The following DAAM2 variants were observed in gnomAD, a reference collection of about 807,000 sequenced individuals.
DAAM2 encodes the protein disheveled-associated activator of morphogenesis 2.
DAAM2 carries 39 observed loss-of-function variants against 120.7 expected under a neutral mutation model. That is an observed-to-expected ratio of 0.32 (90% CI 0.25 to 0.42). The LOEUF (loss-of-function observed/expected upper bound fraction) is 0.42, where lower values mean the gene tolerates loss of function less well. DAAM2 is among the 10% of genes least tolerant of loss of function. DAAM2 has a pLI of 1.00. For missense variants in DAAM2, 1,283 were observed against 1,401.7 expected, an observed-to-expected ratio of 0.92 and a Z score of 1.35; for synonymous variants, 488 against 524.9, an observed-to-expected ratio of 0.93 and a Z score of 0.96.
At position 39,891,365 on chromosome 6, in the gene DAAM2, A is replaced by G; in HGVS notation, c.2170A>G (p.Ser724Gly). The stretch of plus-strand genomic sequence containing the variant: ...GCTCCTCAAGTTCATCCCAGAGAAG[A>G]GTGACATTGACCTCCTGGAGGAGCA... ...EQLLKFIPEK[S>G]DIDLLEEHKH... Residue 724 changes from serine to glycine, a missense_variant, in exon 18 of 25, where the codon AGT becomes GGT. This residue lies in a region of DAAM2 where 748 missense variants were observed against 768.6 expected (regional missense o/e 0.97). Transcript: ENST00000274867. 6.2e-7 allele frequency: 1 copy of G among 1,610,416 alleles called. No homozygotes were observed. Among genetic ancestry groups the G allele is most frequent in the African/African-American group, 1.3e-5 (1 of 75,000 alleles).
chr6:39,845,079 A>T (rs1763510794), intron 1 of DAAM2, among the ~76,000 whole-genome samples: 1 of 146,574 alleles, frequency 6.8e-6, no homozygotes, highest in Admixed American at 6.8e-5. Flanking sequence ...CCACACATAC[A>T]TATACAACAC....
chr6:39,868,052 G>A (rs1764502678), intron 6 of DAAM2: 1 of 568,478 alleles, frequency 1.8e-6, no homozygotes, highest in Non-Finnish European at 3.1e-6. Flanking sequence ...AGAGTTATGA[G>A]TTTGGCTGGG....
chr6:39,844,354 C>A (rs1381330645), intron 1 of DAAM2, among the ~76,000 whole-genome samples: 1 of 151,634 alleles, frequency 6.6e-6, no homozygotes, highest in East Asian at 2.0e-4. Context: ...CCAAGGGAAA[C>A]CCAGTTACAT....
chr6:39,899,297 C>A (rs1167310859), intron 22 of DAAM2, among the ~76,000 whole-genome samples: 1 of 152,176 alleles, frequency 6.6e-6, no homozygotes, highest in East Asian at 1.9e-4. Flanking sequence ...ACCGATGTAC[C>A]CAGAAGGTTC....
intron 1 of DAAM2, among the ~76,000 whole-genome samples, chr6:39,803,425 T>C (rs1229759843): frequency 6.6e-6 from 1 of 152,152 alleles, no homozygotes; most frequent in Non-Finnish European, 1.5e-5. Flanking sequence ...GAAAGTCTGC[T>C]GGGGTAGGTA....
chr6:39,863,330 A>T (rs750702092), intron 3 of DAAM2, among the ~76,000 whole-genome samples: 1 of 152,214 alleles, frequency 6.6e-6, no homozygotes, highest in Non-Finnish European at 1.5e-5. Context: ...GTCATGGAGA[A>T]TTTAACATGT....
chr6:39,797,996 C>G (rs528648871), intron 1 of DAAM2, among the ~76,000 whole-genome samples: 4 of 152,310 alleles, frequency 2.6e-5, no homozygotes, highest in African/African-American at 9.6e-5. Context: ...TTGCCTATGG[C>G]TGCTTTCGTG....
At chr6:39,881,069 G>T (rs1227840109) in intron 14 of DAAM2, among the ~76,000 whole-genome samples, 2 of 152,190 alleles carry the variant, frequency 1.3e-5, no homozygotes, top group East Asian at 1.9e-4. Flanking sequence ...GTAATAAAAA[G>T]TTATGCACAT....
intron 9 of DAAM2, among the ~76,000 whole-genome samples, chr6:39,872,853 C>T (rs560604411): frequency 6.6e-6 from 1 of 152,200 alleles, no homozygotes; most frequent in South Asian, 2.1e-4. Context: ...CAGTAGCTCT[C>T]AAGCAGGGAT....
intron 14 of DAAM2, among the ~76,000 whole-genome samples, chr6:39,882,860 G>T (rs761247700): frequency 6.6e-5 from 10 of 152,036 alleles, no homozygotes; most frequent in Admixed American, 2.6e-4. Flanking sequence ...AGGGTCCCTG[G>T]CCTTCAGAAG....
chr6:39,827,013 T>A (rs1762698263), intron 1 of DAAM2, among the ~76,000 whole-genome samples: 1 of 152,230 alleles, frequency 6.6e-6, no homozygotes, highest in Non-Finnish European at 1.5e-5. Context: ...GGGGAAATAT[T>A]CATGAATGAA....
At position 39,879,374 on chromosome 6, in the gene DAAM2, T is replaced by C. The variant is rs371159476; in HGVS notation, c.1742T>C (p.Leu581Pro). ...CCTTGCCTCGGCATGGGCCTGCCCC[T>C]CCCTCAGGACCCCTACCCCAGCAGT... ...APPCLGMGLPLPQDPYPSSDV... is the reference protein window; with the variant it reads ...APPCLGMGLPPPQDPYPSSDV... The change falls in exon 14 of 25, where the codon CTC (leucine) becomes CCC (proline). Residue 581 changes from leucine to proline, a missense_variant. By Grantham distance (98) the Leu-to-Pro change is moderately conservative. Coordinates refer to ENST00000274867, the MANE Select transcript of DAAM2 (RefSeq NM_001201427.2). 7.6e-7 allele frequency: 1 copy of C among 1,320,368 alleles called. No homozygotes were observed. The highest frequency in any genetic ancestry group is 1.4e-5 in the South Asian group (1 of 69,532). 81.8% of individuals were successfully genotyped at this position (1,320,368 alleles called of 1,614,324 possible).
chr6:39,801,611 A>T (rs1761865752), intron 1 of DAAM2, among the ~76,000 whole-genome samples: 1 of 152,074 alleles, frequency 6.6e-6, no homozygotes. Context: ...ATTCCTCCTG[A>T]TGGGTGTTTG....
At chr6:39,866,196 G>A (rs1040514873) in intron 5 of DAAM2, among the ~76,000 whole-genome samples, 1 of 152,210 alleles carries the variant, frequency 6.6e-6, no homozygotes, top group Non-Finnish European at 1.5e-5. Flanking sequence ...GAAGGGGATA[G>A]AGGAAAGGAT....
chr6:39,888,948 T>C, intron 17 of DAAM2, 185 bp downstream of exon 17: 1 of 405,872 alleles, frequency 2.5e-6, no homozygotes, highest in Non-Finnish European at 4.5e-6. Flanking sequence ...AGGCTAAGTG[T>C]TCTCCAGGAG....
chr6:39,844,883 C>G (rs1045832626), intron 1 of DAAM2, among the ~76,000 whole-genome samples: 2 of 148,736 alleles, frequency 1.3e-5, no homozygotes, highest in Non-Finnish European at 3.0e-5. Context: ...GCATACCATA[C>G]ATGCACACAT....
intron 5 of DAAM2, chr6:39,867,248 T>G (rs1764468550): frequency 2.1e-6 from 1 of 469,606 alleles, no homozygotes; most frequent in African/African-American, 2.0e-5. Flanking sequence ...CATGATCATG[T>G]GAAGAGGACT....
intron 1 of DAAM2, among the ~76,000 whole-genome samples, chr6:39,807,736 C>T (rs951508068): frequency 1.3e-4 from 20 of 152,088 alleles, no homozygotes; most frequent in Non-Finnish European, 2.8e-4. Flanking sequence ...AGGCTGGTCT[C>T]GAACTTCTGA....
chr6:39,802,837 C>T (rs1415437540), intron 1 of DAAM2, among the ~76,000 whole-genome samples: 1 of 152,060 alleles, frequency 6.6e-6, no homozygotes, highest in Non-Finnish European at 1.5e-5. Context: ...GAACATCCAC[C>T]ACCCCAGCCC....
Sources: gnomAD v4.1 joint callset for allele counts (sites outside exome capture counted in the v4.1 genomes callset) on GRCh38, gnomAD v4.1.1 for gene constraint, gnomAD v4.1.1 regional missense constraint, MANE v1.5 for transcripts, NCBI Gene and HGNC (gene_info 2026-07-23, HGNC 2026-07-21) for gene names.